Variants in LRRIQ1 observed in about 807,000 individuals in gnomAD.
LRRIQ1 encodes leucine rich repeats and IQ motif containing 1, also known as leucine-rich repeat- and IQ domain-containing protein 1.
A neutral mutation model predicts 211.9 loss-of-function variants in LRRIQ1; 210 were observed. The ratio of observed to expected loss-of-function variants is 0.99; its 90% CI spans 0.89 to 1.11. The LOEUF is 1.11. Ranked by LOEUF, LRRIQ1 falls within the 50% of genes most tolerant of loss-of-function variation. The pLI is 0.00. For missense variants in LRRIQ1, 2,136 were observed against 1,939.5 expected (o/e 1.10, Z -1.90); for synonymous variants, 699 against 650.1 (o/e 1.08, Z -1.14).
chr12:85,210,406 G>A (rs1194165934), intron 24 of LRRIQ1, among the ~76,000 whole-genome samples: 1 of 152,146 alleles, frequency 6.6e-6, no homozygotes, highest in Non-Finnish European at 1.5e-5. Flanking sequence ...GATAAAACAC[G>A]ATGTTTTTGA....
At chr12:85,209,392 A>G (rs929628326) in intron 24 of LRRIQ1, among the ~76,000 whole-genome samples, 2 of 152,166 alleles carry the variant, frequency 1.3e-5, no homozygotes, top group African/African-American at 2.4e-5. Context: ...CACTATCACA[A>G]GAACAGCATG....
chr12:85,065,344 T>G lies in LRRIQ1; in HGVS notation c.2474T>G (p.Leu825Arg). The change falls in exon 9 of 27, where the codon CTT becomes CGT. Residue 825 changes from leucine (L) to arginine (R), a missense_variant. Physicochemically the swap from Leu to Arg is moderately radical, Grantham distance 102 (BLOSUM62 -2). Coordinates refer to ENST00000393217, the MANE Select transcript of LRRIQ1 (RefSeq NM_001079910.2). Reference protein sequence around the residue: ...AECTNLQFLSLRRCGLTSLHS... With the variant: ...AECTNLQFLSRRRCGLTSLHS... Reference sequence around the variant, plus strand: ...TGTACAAATCTTCAGTTTCTATCCCTTCGACGCTGTGGATTAACTTCTTTG... The same window carrying G: ...TGTACAAATCTTCAGTTTCTATCCCGTCGACGCTGTGGATTAACTTCTTTG... The G allele has an allele frequency of 6.2e-7, 1 of 1,611,048 alleles. No homozygotes were observed. The highest frequency in any genetic ancestry group is 2.2e-5 in the East Asian group (1 of 44,774).
intron 11 of LRRIQ1, among the ~76,000 whole-genome samples, chr12:85,097,451 C>A (rs757086832): frequency 6.6e-6 from 1 of 151,572 alleles, no homozygotes; most frequent in Non-Finnish European, 1.5e-5. Context: ...ATGTTCCCCC[C>A]GCTGTGTCCA....
At chr12:85,217,611 T>C (rs1003297845) in intron 24 of LRRIQ1, among the ~76,000 whole-genome samples, 1 of 127,784 alleles carries the variant, frequency 7.8e-6, no homozygotes, top group African/African-American at 3.7e-5. Flanking sequence ...TGTATATGTG[T>C]ATATATATGT....
At chr12:85,187,623 G>A (rs1292768670) in intron 24 of LRRIQ1, among the ~76,000 whole-genome samples, 4 of 151,526 alleles carry the variant, frequency 2.6e-5, no homozygotes, top group African/African-American at 7.3e-5. Context: ...CTTAGCCAAC[G>A]TGGCAAAACC....
chr12:85,202,431 C>A (rs1893343195), intron 24 of LRRIQ1, among the ~76,000 whole-genome samples: 2 of 152,106 alleles, frequency 1.3e-5, no homozygotes, highest in African/African-American at 4.8e-5. Context: ...CTTCATAGAT[C>A]TCTTAAGAAC....
intron 5 of LRRIQ1, among the ~76,000 whole-genome samples, chr12:85,046,558 G>A (rs1213079212): frequency 3.3e-5 from 5 of 151,942 alleles, no homozygotes; most frequent in South Asian, 4.1e-4. Flanking sequence ...GCATATTCTC[G>A]CTTTGGGAAT....
chr12:85,117,016 T>C (rs546701306), intron 15 of LRRIQ1, among the ~76,000 whole-genome samples: 215 of 152,260 alleles, frequency 1.4e-3, no homozygotes, highest in Non-Finnish European at 2.6e-3. Flanking sequence ...CAATGAACAT[T>C]TGCGTGCATG....
intron 19 of LRRIQ1, among the ~76,000 whole-genome samples, chr12:85,149,467 G>T (rs982615516): frequency 6.6e-6 from 1 of 151,862 alleles, no homozygotes; most frequent in Non-Finnish European, 1.5e-5. Flanking sequence ...TTGTAGATGT[G>T]TGGTGTTATT....
intron 24 of LRRIQ1, among the ~76,000 whole-genome samples, chr12:85,222,633 G>T (rs1894454470): frequency 6.6e-6 from 1 of 152,114 alleles, no homozygotes; most frequent in African/African-American, 2.4e-5. Context: ...TTGTCTTCAA[G>T]AAGCTCATCT....
At chr12:85,073,153 A>C in intron 11 of LRRIQ1, 55 bp downstream of exon 11, 1 of 1,350,438 alleles carries the variant, frequency 7.4e-7, no homozygotes, top group Non-Finnish European at 1.0e-6. Context: ...TAGAGGAGGT[A>C]TGGGGAGGGT....
chr12:85,175,824 G>A (rs1168476358), intron 24 of LRRIQ1, among the ~76,000 whole-genome samples: 4 of 152,096 alleles, frequency 2.6e-5, no homozygotes, highest in South Asian at 2.1e-4. Context: ...GGAGATATGC[G>A]GCATTATTTC....
At chr12:85,229,944 AT>A (rs1173662861) in intron 25 of LRRIQ1, among the ~76,000 whole-genome samples, 1 of 152,198 alleles carries the variant, frequency 6.6e-6, no homozygotes, top group Non-Finnish European at 1.5e-5. Flanking sequence ...GTTTTTAGAT[AT>A]CATGTATATT....
At chr12:85,199,300 G>T (rs906496673) in intron 24 of LRRIQ1, among the ~76,000 whole-genome samples, 2 of 152,116 alleles carry the variant, frequency 1.3e-5, no homozygotes, top group Non-Finnish European at 2.9e-5. Flanking sequence ...CTGGTGTAAG[G>T]AAGGGGTCCA....
intron 24 of LRRIQ1, among the ~76,000 whole-genome samples, chr12:85,201,731 A>G (rs1156942214): frequency 6.6e-6 from 1 of 152,108 alleles, no homozygotes; most frequent in Non-Finnish European, 1.5e-5. Flanking sequence ...GTTTTCATAA[A>G]ATGACTTTTG....
At chr12:85,162,746 G>C (rs1016185915) in intron 24 of LRRIQ1, 3 of 455,726 alleles carry the variant, frequency 6.6e-6, no homozygotes, top group Non-Finnish European at 1.3e-5. Flanking sequence ...CTATGATTTT[G>C]TTTTCTTTCC....
chr12:85,044,236 T>C (rs1458851787), intron 3 of LRRIQ1, among the ~76,000 whole-genome samples: 1 of 152,128 alleles, frequency 6.6e-6, no homozygotes, highest in Non-Finnish European at 1.5e-5. Context: ...CACACATAAT[T>C]AAAAATTATA....
chr12:85,152,437 G>A, intron 20 of LRRIQ1, 68 bp downstream of exon 20: 4 of 1,182,986 alleles, frequency 3.4e-6, no homozygotes, highest in Non-Finnish European at 4.8e-6. Flanking sequence ...CTATGTTGCA[G>A]TGATTAATAA....
intron 10 of LRRIQ1, among the ~76,000 whole-genome samples, chr12:85,069,390 G>A (rs12300481): frequency 0.057 from 8,656 of 151,888 alleles, 828 homozygotes; most frequent in African/African-American, 0.2. Context: ...GAATAGTGCC[G>A]CAATAAACAT....
Sources: gnomAD v4.1 joint callset for allele counts (sites outside exome capture counted in the v4.1 genomes callset) on GRCh38, gnomAD v4.1.1 for gene constraint, MANE v1.5 for transcripts, NCBI Gene and HGNC (gene_info 2026-07-23, HGNC 2026-07-21) for gene names.